DPF3: variants seen among roughly 807,000 people sequenced by gnomAD.
DPF3 encodes double PHD fingers 3, also known as zinc finger protein DPF3.
In DPF3, 18 loss-of-function variants were observed where a neutral mutation model predicts 56.8. The observed-to-expected ratio is 0.32, with a 90% CI of 0.22 to 0.47. DPF3 has a LOEUF of 0.47. Ranked by LOEUF, DPF3 falls within the 20% of genes least tolerant of loss-of-function variation. DPF3 has a pLI of 1.00. For synonymous variants in DPF3, 188 were observed against 180.2 expected, an observed-to-expected ratio of 1.04 and a Z score of -0.35; for missense variants, 403 against 488.8, an observed-to-expected ratio of 0.82 and a Z score of 1.65.
chr14:72,877,041 C>A (rs1316804389), intron 1 of DPF3, among the ~76,000 whole-genome samples: 3 of 152,100 alleles, frequency 2.0e-5, no homozygotes, highest in Admixed American at 1.3e-4. Flanking sequence ...GATCAAGGTG[C>A]AATTCATGGA....
intron 4 of DPF3, among the ~76,000 whole-genome samples, chr14:72,726,987 C>T (rs1038882169): frequency 6.6e-5 from 10 of 152,196 alleles, no homozygotes; most frequent in African/African-American, 2.2e-4. Flanking sequence ...TTATGAAATA[C>T]AAATTCACGG....
chr14:72,671,608 G>C, intron 8 of DPF3: 1 of 593,294 alleles, frequency 1.7e-6, no homozygotes, highest in Non-Finnish European at 3.2e-6. Context: ...ATTCAACCAT[G>C]ATCTTTCTTC....
chr14:72,800,877 C>T (rs1310911367), intron 1 of DPF3, among the ~76,000 whole-genome samples: 1 of 152,174 alleles, frequency 6.6e-6, no homozygotes, highest in Non-Finnish European at 1.5e-5. Context: ...AGGCATGATA[C>T]AACTAAAGAA....
rs554194082 is a variant in DPF3 at position 72,785,810 on chromosome 14, G to A, written c.33-13917C>T. On this transcript the variant is annotated intron_variant, in intron 1 of 10. Transcript: ENST00000556509. The stretch of plus-strand genomic sequence containing the variant: ...TAGAAACCAAATCCATCCCAAATGT[G>A]AGCAAGGGGCGATGGACTTGAAGAG... Among the ~76,000 whole-genome samples, 5 of 152,170 alleles carry A rather than the reference G, an allele frequency of 3.3e-5. 1 individual carries two copies. Among genetic ancestry groups the A allele is most frequent in the Non-Finnish European group, 7.4e-5 (5 of 68,026 alleles).
At chr14:72,710,520 C>A (rs891261652) in intron 6 of DPF3, among the ~76,000 whole-genome samples, 2 of 152,222 alleles carry the variant, frequency 1.3e-5, no homozygotes, top group Non-Finnish European at 2.9e-5. Context: ...ATGAAGTAGA[C>A]TTGTCACTGT....
rs563230179 is a variant in DPF3, at chr14:72,614,129, G to A, written c.*5168C>T. On this transcript the variant is annotated 3_prime_UTR_variant, in exon 11 of 11. Transcript: ENST00000556509. ...GTTTCCACACTCAGGGCTGGTGGCC[G>A]TGGCCTCTGGCAGAGAATCATAAGC... is the stretch of plus-strand genomic sequence containing the variant. 9.2e-5 allele frequency among the ~76,000 whole-genome samples: 14 copies of A among 152,128 alleles called. No homozygotes were observed. The East Asian group carries it at 1.4e-3, about 15-fold the overall frequency.
At chr14:72,703,684 CG>C (rs1305910660) in intron 6 of DPF3, among the ~76,000 whole-genome samples, 3 of 152,302 alleles carry the variant, frequency 2.0e-5, no homozygotes, top group African/African-American at 7.2e-5. Flanking sequence ...TCGGTTTCCT[CG>C]TCTGTAAAAC....
chr14:72,698,095 A>C (rs1218919011), intron 6 of DPF3, among the ~76,000 whole-genome samples: 1 of 152,218 alleles, frequency 6.6e-6, no homozygotes, highest in African/African-American at 2.4e-5. Context: ...GTCCTCCCCC[A>C]GGGAAGTCTT....
intron 7 of DPF3, among the ~76,000 whole-genome samples, chr14:72,690,319 G>A (rs894541347): frequency 1.3e-5 from 2 of 152,140 alleles, no homozygotes; most frequent in Non-Finnish European, 2.9e-5. Context: ...GCTTGTCTCA[G>A]AAGTCAACCA....
intron 2 of DPF3, among the ~76,000 whole-genome samples, chr14:72,763,610 T>C (rs906134921): frequency 2.6e-5 from 4 of 151,942 alleles, no homozygotes; most frequent in Non-Finnish European, 5.9e-5. Context: ...TAGACCTAAA[T>C]GTGAAACCTA....
intron 1 of DPF3, among the ~76,000 whole-genome samples, chr14:72,791,459 G>C (rs1446267586): frequency 6.6e-6 from 1 of 152,208 alleles, no homozygotes; most frequent in Admixed American, 6.5e-5. Flanking sequence ...ACCAGGGAGA[G>C]CAGTGCCCTG....
chr14:72,627,609 T>A (rs1202532702), intron 9 of DPF3, among the ~76,000 whole-genome samples: 2 of 152,116 alleles, frequency 1.3e-5, no homozygotes, highest in Non-Finnish European at 2.9e-5. Context: ...AGTTTGTTTA[T>A]CAGTATTTTC....
Position 72,618,998 on chromosome 14 carries a change from G to C in DPF3, c.*299C>G, listed in dbSNP as rs1884252470. Among the ~76,000 whole-genome samples the C allele has an allele frequency of 6.6e-6, 1 of 152,244 alleles. No individual in the cohort carries two copies. Among genetic ancestry groups the C allele is most frequent in the South Asian group, 2.1e-4 (1 of 4,828 alleles). On this transcript the variant is annotated 3_prime_UTR_variant, in exon 11 of 11. Transcript: ENST00000556509. ...TCCCTTAAAATGGGAACCAATGAGA[G>C]GGCCTCGGTGCTAGGGTAAAAGTGA...
intron 5 of DPF3, among the ~76,000 whole-genome samples, chr14:72,719,166 C>T (rs1889066845): frequency 6.7e-6 from 1 of 149,474 alleles, no homozygotes; most frequent in African/African-American, 2.5e-5. Flanking sequence ...ACCACTCAGG[C>T]TCCAGTGATC....
chr14:72,700,924 C>T (rs1888131704), intron 6 of DPF3, among the ~76,000 whole-genome samples: 2 of 152,188 alleles, frequency 1.3e-5, no homozygotes, highest in African/African-American at 4.8e-5. Context: ...AGTGGCCCAA[C>T]AAAGAGAATA....
intron 2 of DPF3, among the ~76,000 whole-genome samples, chr14:72,767,932 G>C (rs987395143): frequency 6.6e-6 from 1 of 152,054 alleles, no homozygotes; most frequent in Non-Finnish European, 1.5e-5. Context: ...TTACTTATAA[G>C]GGAAAAAAGC....
At chr14:72,778,554 G>A (rs1420496061) in intron 1 of DPF3, among the ~76,000 whole-genome samples, 2 of 152,076 alleles carry the variant, frequency 1.3e-5, no homozygotes, top group African/African-American at 4.8e-5. Context: ...CAGAAATAAG[G>A]TGCACAATAA....
intron 7 of DPF3, among the ~76,000 whole-genome samples, chr14:72,691,882 C>T (rs907324948): frequency 2.0e-5 from 3 of 152,146 alleles, no homozygotes; most frequent in Non-Finnish European, 4.4e-5. Flanking sequence ...CTTGGACCTC[C>T]AGCCTCCAGA....
chr14:72,819,749 C>T (rs142186816), intron 1 of DPF3, among the ~76,000 whole-genome samples: 3,883 of 152,102 alleles, frequency 0.026, 168 homozygotes, highest in African/African-American at 0.086. Flanking sequence ...CCAGCCTGGG[C>T]AACATGGGAA....
Sources: gnomAD v4.1 joint callset for allele counts (sites outside exome capture counted in the v4.1 genomes callset) on GRCh38, gnomAD v4.1.1 for gene constraint, MANE v1.5 for transcripts, NCBI Gene and HGNC (gene_info 2026-07-23, HGNC 2026-07-21) for gene names.